The following FOXA2 variants were observed in gnomAD, a reference collection of about 807,000 sequenced individuals.
FOXA2 encodes the protein hepatocyte nuclear factor 3-beta.
FOXA2 carries 9 observed loss-of-function variants against 33.3 expected under a neutral mutation model. The observed-to-expected ratio is 0.27, with a 90% CI of 0.16 to 0.47. The LOEUF (loss-of-function observed/expected upper bound fraction) is 0.47, where lower values mean the gene tolerates loss of function less well. Among genes scored for constraint, FOXA2 ranks in the 20% least tolerant of loss-of-function variants. The pLI, the probability that FOXA2 is intolerant of heterozygous loss-of-function variation, is 0.99. For missense variants in FOXA2, 704 were observed against 659.9 expected, an observed-to-expected ratio of 1.07 and a Z score of -0.73; for synonymous variants, 329 against 289.4, an observed-to-expected ratio of 1.14 and a Z score of -1.39.
At chr20:22,584,977 G>A (rs1245294817), upstream of FOXA2, among the ~76,000 whole-genome samples, 2 of 152,086 alleles carry the variant, frequency 1.3e-5, no homozygotes, top group Non-Finnish European at 2.9e-5. Flanking sequence ...CGGGATCCCT[G>A]GTCGAGCCCC....
rs756333092 is a variant in FOXA2, at chr20:22,584,197, G to T, written c.82C>A (p.Pro28Thr). Residue 28 changes from proline (P) to threonine (T), a missense_variant, in exon 1 of 2, where the codon CCC (proline) becomes ACC (threonine). Physicochemically the swap from Pro to Thr is conservative, Grantham distance 38. Around this residue, in one of 5 missense-constraint regions of FOXA2, gnomAD observed 304 missense variants for 251.7 expected, o/e 1.21. Coordinates refer to ENST00000419308, the MANE Select transcript of FOXA2 (RefSeq NM_021784.5). ...TGGAAAAGACGAGCGCTTACCTCGG[G>T]CTCTGCATAGTAGCTGCTCCAGTCG... The part of the protein sequence containing the change: ...PSDWSSYYAE[P>T]EGYSSVSNMN... The T allele has an allele frequency of 1.2e-6, 2 of 1,613,618 alleles. No homozygotes were observed. The highest frequency in any genetic ancestry group is 4.5e-5 in the East Asian group (2 of 44,858).
At chr20:22,584,842 G>T (rs1984722743), upstream of FOXA2, among the ~76,000 whole-genome samples, 2 of 152,104 alleles carry the variant, frequency 1.3e-5, no homozygotes, top group South Asian at 2.1e-4. Context: ...CTCACACCTA[G>T]GTGAGAGGTA....
At chr20:22,584,913 G>T (rs1047247204), upstream of FOXA2, among the ~76,000 whole-genome samples, 6 of 152,186 alleles carry the variant, frequency 3.9e-5, no homozygotes, top group African/African-American at 1.4e-4. Context: ...CCGCCGCGGC[G>T]CCCCGCACTC....
chr20:22,584,040 T>C, intron 1 of FOXA2, 152 bp downstream of exon 1: 1 of 679,454 alleles, frequency 1.5e-6, no homozygotes, highest in Non-Finnish European at 2.7e-6. Flanking sequence ...AAGAGACCCA[T>C]TTGATTCCAA....
At position 22,582,432 on chromosome 20, in the gene FOXA2, C is replaced by A; in HGVS notation, c.810G>T (p.Lys270Asn). The A allele has an allele frequency of 6.2e-7, 1 of 1,602,456 alleles. No homozygotes were observed. Among genetic ancestry groups the A allele is most frequent in the Non-Finnish European group, 8.5e-7 (1 of 1,175,408 alleles). Residue 270 changes from lysine to asparagine, a missense_variant, in exon 2 of 2, where the codon AAG becomes AAT. This residue lies in a region of FOXA2 where 343 missense variants were observed against 274.8 expected (regional missense o/e 1.25). Transcript: ENST00000419308. ...RFKCEKQLAL[K>N]EAAGAAGSGK... Reference sequence around the variant, plus strand: ...CGCTGCCGGCGGCGCCTGCGGCCTCCTTCAGCGCCAGCTGCTTCTCGCACT... The same window carrying A: ...CGCTGCCGGCGGCGCCTGCGGCCTCATTCAGCGCCAGCTGCTTCTCGCACT...
intron 1 of FOXA2, among the ~76,000 whole-genome samples, chr20:22,583,598 C>T (rs1254341079): frequency 1.3e-5 from 2 of 152,232 alleles, no homozygotes; most frequent in Non-Finnish European, 2.9e-5. Flanking sequence ...GGGCTGCCTC[C>T]AGCGAAGACT....
chr20:22,581,729 G>A lies in FOXA2; in HGVS notation c.*121C>T. Reference sequence around the variant, plus strand: ...GGGGGTGTTGGGGTGGGGGTGTTATGGATTTCTTCTCCCTTGCGTCTCTGC... The same window carrying A: ...GGGGGTGTTGGGGTGGGGGTGTTATAGATTTCTTCTCCCTTGCGTCTCTGC... On this transcript the variant is annotated 3_prime_UTR_variant, in exon 2 of 2. Transcript: ENST00000419308. 2.2e-6 allele frequency: 2 copies of A among 920,370 alleles called. No homozygotes were observed. Among genetic ancestry groups the A allele is most frequent in the South Asian group, 3.1e-5 (2 of 63,730 alleles). 57.0% of individuals were successfully genotyped at this position (920,370 alleles called of 1,614,324 possible). A position where few individuals can be genotyped will look rare whatever the true frequency, so the allele number is the denominator to read the frequency against.
In FOXA2 at chr20:22,583,005, C is replaced by G; in HGVS notation, c.237G>C (p.Met79Ile). Residue 79 changes from methionine (M) to isoleucine (I), a missense_variant, in exon 2 of 2, where the codon ATG becomes ATC. Coordinates refer to ENST00000419308, the MANE Select transcript of FOXA2 (RefSeq NM_021784.5). ...MNMSSYVGAG[M>I]SPSLAGMSPG... ...GGGACATCCCCGCCAGGGACGGGCT[C>G]ATGCCAGCGCCCACGTACGACGACA... 6.2e-7 allele frequency: 1 copy of G among 1,608,444 alleles called. No homozygotes were observed. Among genetic ancestry groups the G allele is most frequent in the East Asian group, 2.2e-5 (1 of 44,794 alleles).
upstream of FOXA2, among the ~76,000 whole-genome samples, chr20:22,584,890 G>GCT (rs1265482632): frequency 1.3e-5 from 2 of 152,082 alleles, no homozygotes; most frequent in Non-Finnish European, 2.9e-5. Flanking sequence ...CTCAGCGCCT[G>GCT]CCGTCCGCCC....
At position 22,581,801 on chromosome 20, in the gene FOXA2, T is replaced by A; in HGVS notation, c.*49A>T. On this transcript the variant is annotated 3_prime_UTR_variant, in exon 2 of 2. Coordinates refer to ENST00000419308, the MANE Select transcript of FOXA2 (RefSeq NM_021784.5). ...CGACCCCCACTTGCTCTCTCACTTGTCCTCGATCCGGGGTGCCAGAGTTAG... is the reference window on the plus strand; with the variant it reads ...CGACCCCCACTTGCTCTCTCACTTGACCTCGATCCGGGGTGCCAGAGTTAG... 1 of 1,576,200 alleles carries A rather than the reference T, an allele frequency of 6.3e-7. No individual in the cohort carries two copies. The highest frequency in any genetic ancestry group is 2.0e-4 in the Middle Eastern group (1 of 4,988).
rs772587345 is a variant in FOXA2 at position 22,582,761 on chromosome 20, A to G, written c.481T>C (p.Tyr161His). The change falls in exon 2 of 2, where the codon TAC (tyrosine) becomes CAC (histidine). Residue 161 changes from tyrosine to histidine, a missense_variant. Tyr to His is a moderately conservative substitution (Grantham distance 83). Coordinates refer to ENST00000419308, the MANE Select transcript of FOXA2 (RefSeq NM_021784.5). ...ARDPKTYRRS[Y>H]THAKPPYSYI... The stretch of plus-strand genomic sequence containing the variant: ...GAGTAGGGCGGCTTTGCGTGCGTGT[A>G]GCTGCGCCTGTAGGTCTTGGGGTCG... The G allele has an allele frequency of 1.9e-6, 3 of 1,613,910 alleles. No individual in the cohort carries two copies. The highest frequency in any genetic ancestry group is 1.1e-5 in the South Asian group (1 of 91,066).
rs202105409 is a variant in FOXA2 at position 22,581,888 on chromosome 20, G to C, written c.1354C>G (p.Gln452Glu). The C allele has an allele frequency of 4.4e-6, 7 of 1,606,244 alleles. No homozygotes were observed. In the East Asian group the frequency reaches 6.7e-5, roughly 15 times the overall value. ...ATAATGGGCCGGGAGTACACCCCCT[G>C]GTAGTAGGAGGTATCTGCGGCCAGG... The part of the protein sequence containing the change: ...SPLAADTSYY[Q>E]GVYSRPIMNS... Residue 452 changes from glutamine (Q) to glutamate (E), a missense_variant, in exon 2 of 2, where the codon CAG (glutamine) becomes GAG (glutamate). By Grantham distance (29) the Gln-to-Glu change is conservative. Coordinates refer to ENST00000419308, the MANE Select transcript of FOXA2 (RefSeq NM_021784.5).
At position 22,584,231 on chromosome 20, in the gene FOXA2, G is replaced by T; in HGVS notation, c.48C>A (p.His16Gln). ...SMLGAVKMEG[H>Q]EPSDWSSYYA... is the part of the protein sequence containing the mutation. ...AGTAGCTGCTCCAGTCGGACGGCTC[G>T]TGCCCTTCCATCTTCACCGCTCCCA... The change falls in exon 1 of 2, where the codon CAC becomes CAA. Residue 16 changes from histidine to glutamine, a missense_variant. His to Gln is a conservative substitution (Grantham distance 24). Around this residue, in one of 5 missense-constraint regions of FOXA2, gnomAD observed 304 missense variants for 251.7 expected, o/e 1.21. Transcript: ENST00000419308. The T allele has an allele frequency of 1.9e-6, 3 of 1,613,876 alleles. No homozygotes were observed. The highest frequency in any genetic ancestry group is 2.5e-6 in the Non-Finnish European group (3 of 1,179,978).
chr20:22,583,074 G>A lies in FOXA2; in HGVS notation c.168C>T (p.Ala56=). The change falls in exon 2 of 2, where the codon GCC becomes GCT. Residue 56 remains alanine, a synonymous_variant. Transcript: ENST00000419308. The stretch of plus-strand genomic sequence containing the variant: ...TCATGTTGCCCGAGCCGCTGCCCAT[G>A]GCGGCCGCCGACATGCTCATGTACG... ...MNTYMSMSAA[A]MGSGSGNMSA... The A allele has an allele frequency of 1.9e-6, 3 of 1,609,376 alleles. No individual in the cohort carries two copies. The highest frequency in any genetic ancestry group is 2.2e-5 in the South Asian group (2 of 90,844).
Position 22,583,001 on chromosome 20 carries a change from G to A in FOXA2, c.241C>T (p.Pro81Ser), listed in dbSNP as rs756505230. 2.5e-6 allele frequency: 4 copies of A among 1,607,868 alleles called. No homozygotes were observed. Among genetic ancestry groups the A allele is most frequent in the Non-Finnish European group, 2.5e-6 (3 of 1,178,932 alleles). The stretch of plus-strand genomic sequence containing the variant: ...CCGGGGGACATCCCCGCCAGGGACG[G>A]GCTCATGCCAGCGCCCACGTACGAC... Reference protein sequence around the residue: ...MSSYVGAGMSPSLAGMSPGAG... With the variant: ...MSSYVGAGMSSSLAGMSPGAG... Residue 81 changes from proline to serine, a missense_variant, in exon 2 of 2, where the codon CCG becomes TCG. Around this residue, in one of 5 missense-constraint regions of FOXA2, gnomAD observed 304 missense variants for 251.7 expected, o/e 1.21. Coordinates refer to ENST00000419308, the MANE Select transcript of FOXA2 (RefSeq NM_021784.5).
Position 22,584,186 on chromosome 20 carries a change from G to T in FOXA2, c.87+6C>A, listed in dbSNP as rs1430181544. On this transcript the variant is annotated splice_donor_region_variant and intron_variant, in intron 1 of 1. Coordinates refer to ENST00000419308, the MANE Select transcript of FOXA2 (RefSeq NM_021784.5). ...CCACTTCCCCCTGGAAAAGACGAGCGCTTACCTCGGGCTCTGCATAGTAGC... is the reference window on the plus strand; with the variant it reads ...CCACTTCCCCCTGGAAAAGACGAGCTCTTACCTCGGGCTCTGCATAGTAGC... 4 of 1,613,108 alleles carry T rather than the reference G, an allele frequency of 2.5e-6. No homozygotes were observed. The highest frequency in any genetic ancestry group is 2.7e-5 in the African/African-American group (2 of 74,856).
In FOXA2 at chr20:22,582,270, G is replaced by T; in HGVS notation, c.972C>A (p.Gly324=). 1 of 1,467,910 alleles carries T rather than the reference G, an allele frequency of 6.8e-7. No homozygotes were observed. The allele number at this position is 1,467,910 out of a possible 1,614,324, so 90.9% of individuals were successfully genotyped here. A position where few individuals can be genotyped will look rare whatever the true frequency, so the allele number is the denominator to read the frequency against. Residue 324 remains glycine, a synonymous_variant, in exon 2 of 2, where the codon GGC becomes GGA. Coordinates refer to ENST00000419308, the MANE Select transcript of FOXA2 (RefSeq NM_021784.5). ...CCGGCGTCCCCTTCAGCTCTCCCAG[G>T]CCCCCTCGCTTGTGCTCCTGGCACG... is the stretch of plus-strand genomic sequence containing the variant. The part of the protein sequence containing the change: ...ASPCQEHKRG[G]LGELKGTPAA...
Position 22,583,041 on chromosome 20 carries a change from G to C in FOXA2, c.201C>G (p.Gly67=), listed in dbSNP as rs530463577. The part of the protein sequence containing the change: ...MGSGSGNMSA[G]SMNMSSYVGA... ...CCACGTACGACGACATGTTCATGGAGCCCGCGCTCATGTTGCCCGAGCCGC... is the reference window on the plus strand; with the variant it reads ...CCACGTACGACGACATGTTCATGGACCCCGCGCTCATGTTGCCCGAGCCGC... The change falls in exon 2 of 2, where the codon GGC becomes GGG. Residue 67 remains glycine (G), a synonymous_variant. Transcript: ENST00000419308. The C allele has an allele frequency of 6.2e-7, 1 of 1,609,960 alleles. No individual in the cohort carries two copies.
At chr20:22,583,227 AC>A (rs1984651771) in intron 1 of FOXA2, 73 bp from the exon 2 acceptor site, 1 of 1,548,698 alleles carries the variant, frequency 6.5e-7, no homozygotes, top group African/African-American at 1.4e-5. Flanking sequence ...CCTCCCACCC[AC>A]CGCCCAGGCC....
Sources: allele counts gnomAD v4.1 joint callset (sites outside exome capture counted in the v4.1 genomes callset), GRCh38; gene constraint gnomAD v4.1.1; regional missense constraint gnomAD v4.1.1; transcripts MANE v1.5; gene names NCBI Gene and HGNC (gene_info 2026-07-23, HGNC 2026-07-21).